GEM: variants seen among roughly 807,000 people sequenced by gnomAD.
GEM encodes the protein GTP binding protein overexpressed in skeletal muscle, also known as GTP-binding protein GEM.
GEM carries 31 observed loss-of-function variants against 33.0 expected under a neutral mutation model. That is an observed-to-expected ratio of 0.94 (90% confidence interval 0.71 to 1.27). The LOEUF is 1.27. GEM is among the 50% of genes most tolerant of loss of function. GEM has a pLI of 0.00. For synonymous variants in GEM, 141 were observed against 143.7 expected, an observed-to-expected ratio of 0.98 and a Z score of 0.13; for missense variants, 354 against 390.5, an observed-to-expected ratio of 0.91 and a Z score of 0.79.
At position 94,253,082 on chromosome 8, in the gene GEM, T is replaced by A; in HGVS notation, c.362A>T (p.Asp121Val). 1.2e-6 allele frequency: 2 copies of A among 1,601,298 alleles called. No individual in the cohort carries two copies. Among genetic ancestry groups the A allele is most frequent in the South Asian group, 2.2e-5 (2 of 90,736 alleles). Residue 121 changes from aspartate to valine, a missense_variant, in exon 3 of 5, where the codon GAT (aspartate) becomes GTT (valine). By Grantham distance (152) the Asp-to-Val change is radical. Transcript: ENST00000297596. ...EDTYERTLMV[D>V]GESATIILLD... ...GAGTATAATCGTTGCACTTTCCCCA[T>A]CAACCATCAGGGTTCGTTCATATGT...
chr8:94,252,283 T>G, intron 3 of GEM, 60 bp from the exon 4 acceptor site: 1 of 1,172,680 alleles, frequency 8.5e-7, no homozygotes, highest in South Asian at 1.2e-5. Context: ...AAGCATCAGT[T>G]TGCAAAGAAA....
intron 2 of GEM, among the ~76,000 whole-genome samples, chr8:94,257,382 AT>A (rs1338750707): frequency 1.3e-5 from 2 of 152,098 alleles, no homozygotes; most frequent in African/African-American, 4.8e-5. Context: ...GGGTTTTACC[AT>A]GTTGGCCAGG....
chr8:94,260,996 G>A (rs1172892657), intron 1 of GEM, among the ~76,000 whole-genome samples: 1 of 152,148 alleles, frequency 6.6e-6, no homozygotes, highest in East Asian at 1.9e-4. Context: ...GTGCCTCAGT[G>A]GGAAACACGT....
At position 94,249,815 on chromosome 8, in the gene GEM, T is replaced by C. The variant is rs1240625467; in HGVS notation, c.*495A>G. On this transcript the variant is annotated 3_prime_UTR_variant, in exon 5 of 5. Coordinates refer to ENST00000297596, the MANE Select transcript of GEM (RefSeq NM_005261.4). ...TTTTCACAGTTTGATGGAGCAATAATAGTCACGATTCTGATGAGCCTAGTT... is the reference window on the plus strand; with the variant it reads ...TTTTCACAGTTTGATGGAGCAATAACAGTCACGATTCTGATGAGCCTAGTT... The C allele has an allele frequency of 1.3e-5, 2 of 152,518 alleles. No individual in the cohort carries two copies. Among genetic ancestry groups the C allele is most frequent in the African/African-American group, 4.8e-5 (2 of 41,452 alleles). 9.4% of individuals were successfully genotyped at this position (152,518 alleles called of 1,614,324 possible).
chr8:94,257,142 A>ATTTAT (rs527272444), intron 2 of GEM, among the ~76,000 whole-genome samples: 1 of 151,350 alleles, frequency 6.6e-6, no homozygotes, highest in African/African-American at 2.4e-5. Context: ...TGAAGCTTTT[A>ATTTAT]TTTATTTTAT....
At chr8:94,255,142 C>T (rs1328587065) in intron 2 of GEM, among the ~76,000 whole-genome samples, 1 of 152,140 alleles carries the variant, frequency 6.6e-6, no homozygotes, top group Non-Finnish European at 1.5e-5. Flanking sequence ...CTTTCTCAGC[C>T]CACCACTCAG....
In GEM at chr8:94,252,100, C is replaced by T. The variant is rs868545032; in HGVS notation, c.532G>A (p.Ala178Thr). The T allele has an allele frequency of 6.2e-7, 1 of 1,613,996 alleles. No homozygotes were observed. Among genetic ancestry groups the T allele is most frequent in the Non-Finnish European group, 8.5e-7 (1 of 1,180,006 alleles). The change falls in exon 4 of 5, where the codon GCC (alanine) becomes ACC (threonine). Residue 178 changes from alanine to threonine, a missense_variant. Transcript: ENST00000297596. ...ASELRIQLRRARQTEDIPIIL... is the reference protein window; with the variant it reads ...ASELRIQLRRTRQTEDIPIIL... ...ATGGGAATGTCCTCTGTCTGCCGGGCCCTGCGGAGCTGGATTCGCAGCTCA... is the reference window on the plus strand; with the variant it reads ...ATGGGAATGTCCTCTGTCTGCCGGGTCCTGCGGAGCTGGATTCGCAGCTCA...
rs899811416 is a variant in GEM, at chr8:94,249,846, A to C, written c.*464T>G. 3.9e-5 allele frequency: 6 copies of C among 153,926 alleles called. No individual in the cohort carries two copies. Among genetic ancestry groups the C allele is most frequent in the African/African-American group, 1.4e-4 (6 of 41,596 alleles). 9.5% of individuals were successfully genotyped at this position (153,926 alleles called of 1,614,324 possible). On this transcript the variant is annotated 3_prime_UTR_variant, in exon 5 of 5. Transcript: ENST00000297596. ...CGATTCTGATGAGCCTAGTTCTACA[A>C]TTCTAGCTCCATGGATCTTAGATTC... is the stretch of plus-strand genomic sequence containing the variant.
intron 2 of GEM, 35 bp from the exon 3 acceptor site, chr8:94,253,147 C>T (rs758313244): frequency 1.8e-5 from 20 of 1,123,342 alleles, no homozygotes; most frequent in Admixed American, 1.2e-4. Flanking sequence ...TGGAGTCAGG[C>T]GAATATGCAA....
In GEM at chr8:94,260,359, T is replaced by C. The variant is rs774085906; in HGVS notation, c.145A>G (p.Thr49Ala). 2.5e-6 allele frequency: 4 copies of C among 1,614,134 alleles called. No individual in the cohort carries two copies. Among genetic ancestry groups the C allele is most frequent in the Admixed American group, 1.7e-5 (1 of 60,026 alleles). ...QYSHRNRHSA[T>A]PEDHCRRSWS... ...CTTCGGCGGCAGTGGTCCTCAGGGG[T>C]AGCAGAATGGCGGTTGCGGTGGCTG... is the stretch of plus-strand genomic sequence containing the variant. The change falls in exon 2 of 5, where the codon ACC becomes GCC. Residue 49 changes from threonine (T) to alanine (A), a missense_variant. Physicochemically the swap from Thr to Ala is moderately conservative, Grantham distance 58. Transcript: ENST00000297596.
intron 4 of GEM, 40 bp from the exon 5 acceptor site, chr8:94,250,627 C>G: frequency 2.6e-6 from 4 of 1,550,536 alleles, no homozygotes; most frequent in Non-Finnish European, 3.5e-6. Context: ...CTGCAGAGCA[C>G]AGTCCCACAT....
In GEM at chr8:94,250,291, T is replaced by A; in HGVS notation, c.*19A>T. ...TTCAACAACGGCCATCAAAGGGACA[T>A]CTGGGTGACCCTGGGTTCCTAGAGT... On this transcript the variant is annotated 3_prime_UTR_variant, in exon 5 of 5. Transcript: ENST00000297596. 6.3e-7 allele frequency: 1 copy of A among 1,594,258 alleles called. No homozygotes were observed. The highest frequency in any genetic ancestry group is 1.1e-5 in the South Asian group (1 of 88,870).
In GEM at chr8:94,253,027, TCTGCATAC is replaced by T. The variant is rs1457002430; in HGVS notation, c.408+1_408+8del. 8 of 1,500,806 alleles carry T rather than the reference TCTGCATAC, an allele frequency of 5.3e-6. No individual in the cohort carries two copies. The highest frequency in any genetic ancestry group is 3.3e-5 in the Admixed American group (2 of 59,808). 93.0% of individuals were successfully genotyped at this position (1,500,806 alleles called of 1,614,324 possible). On this transcript the variant is annotated splice_donor_variant and splice_donor_5th_base_variant and intron_variant, in intron 3 of 4. Coordinates refer to ENST00000297596, the MANE Select transcript of GEM (RefSeq NM_005261.4). LOFTEE classifies it high-confidence loss of function. ...TAAAGGAATTTAGAGAGCTACAGGC[TCTGCATAC>T]CTTATTTTCCCACATATCCAGGAGT...
intron 2 of GEM, among the ~76,000 whole-genome samples, chr8:94,259,657 T>C (rs1326859948): frequency 1.3e-5 from 2 of 152,260 alleles, no homozygotes; most frequent in Non-Finnish European, 2.9e-5. Flanking sequence ...TTCATTGTTA[T>C]ACTTCACATT....
In GEM at chr8:94,250,289, C is replaced by T. The variant is rs111247129; in HGVS notation, c.*21G>A. 1.3e-4 allele frequency: 209 copies of T among 1,592,090 alleles called. No individual in the cohort carries two copies. In the African/African-American group the frequency reaches 2.3e-3, roughly 18 times the overall value. ...CCTTCAACAACGGCCATCAAAGGGA[C>T]ATCTGGGTGACCCTGGGTTCCTAGA... is the stretch of plus-strand genomic sequence containing the variant. On this transcript the variant is annotated 3_prime_UTR_variant, in exon 5 of 5. Coordinates refer to ENST00000297596, the MANE Select transcript of GEM (RefSeq NM_005261.4).
At chr8:94,250,708 G>T in intron 4 of GEM, 121 bp from the exon 5 acceptor site, 1 of 733,040 alleles carries the variant, frequency 1.4e-6, no homozygotes, top group East Asian at 2.8e-5. Flanking sequence ...GATAGAGGAT[G>T]CTGCTGCGGC....
chr8:94,258,418 G>T (rs1050191650), intron 2 of GEM, among the ~76,000 whole-genome samples: 1 of 152,076 alleles, frequency 6.6e-6, no homozygotes, highest in East Asian at 1.9e-4. Context: ...ATTACTAGGG[G>T]GCATGGTATA....
At chr8:94,261,789 AAAGTAT>A (rs2129784943) in intron 1 of GEM, among the ~76,000 whole-genome samples, 1 of 152,172 alleles carries the variant, frequency 6.6e-6, no homozygotes, top group African/African-American at 2.4e-5. Context: ...TACTGGTGAT[AAAGTAT>A]AAGTACTTAC....
Position 94,252,045 on chromosome 8 carries a change from A to C in GEM, c.587T>G (p.Val196Gly). 6.2e-7 allele frequency: 1 copy of C among 1,613,954 alleles called. No homozygotes were observed. The highest frequency in any genetic ancestry group is 8.5e-7 in the Non-Finnish European group (1 of 1,179,808). ...IILVGNKSDL[V>G]RCREVSVSEG... ...TGATACAGACACTTCTCGGCACCGC[A>C]CTAAGTCACTTTTGTTGCCAACCAA... is the stretch of plus-strand genomic sequence containing the variant. Residue 196 changes from valine to glycine, a missense_variant, in exon 4 of 5, where the codon GTG (valine) becomes GGG (glycine). Transcript: ENST00000297596.
Sources: gnomAD v4.1 joint callset for allele counts (sites outside exome capture counted in the v4.1 genomes callset) on GRCh38, gnomAD v4.1.1 for gene constraint, MANE v1.5 for transcripts, NCBI Gene and HGNC (gene_info 2026-07-23, HGNC 2026-07-21) for gene names.